Variants in NUP35 observed in about 807,000 individuals in gnomAD.
The protein encoded by NUP35 is nucleoporin NUP35.
Under a neutral mutation model 41.5 loss-of-function variants are expected in NUP35, and 25 were observed. The observed-to-expected ratio is 0.60, with a 90% CI of 0.44 to 0.84. The LOEUF is 0.84. Among genes scored for constraint, NUP35 ranks in the 40% least tolerant of loss-of-function variants. NUP35 has a pLI of 0.00. For missense variants in NUP35, 396 were observed against 396.6 expected (o/e 1.00, Z 0.01); for synonymous variants, 149 against 130.7 (o/e 1.14, Z -0.96).
chr2:183,132,747 G>A (rs938449270), intron 3 of NUP35, among the ~76,000 whole-genome samples: 4 of 152,220 alleles, frequency 2.6e-5, no homozygotes, highest in Non-Finnish European at 5.9e-5. Context: ...TTGAAAGTTG[G>A]TAAGAATATT....
upstream of NUP35, among the ~76,000 whole-genome samples, chr2:183,122,284 G>C (rs1474444878): frequency 1.3e-5 from 2 of 151,704 alleles, no homozygotes; most frequent in East Asian, 3.9e-4. Context: ...CACCATGTTG[G>C]CCAGGCTGGT....
rs571989835 is a variant in NUP35, at chr2:183,161,199, A to G, written c.*68A>G. The G allele has an allele frequency of 5.2e-6, 6 of 1,160,782 alleles. No individual in the cohort carries two copies. The East Asian group carries it at 1.4e-4, about 28-fold the overall frequency. 71.9% of individuals were successfully genotyped at this position (1,160,782 alleles called of 1,614,324 possible). ...CAGAGTGCTGCTGGTTCCTTCGGTT[A>G]GTTATATAACTGTTCCTGCAGTATT... On this transcript the variant is annotated 3_prime_UTR_variant, in exon 9 of 9. Transcript: ENST00000295119.
At chr2:183,130,595 G>T in intron 3 of NUP35, 50 bp downstream of exon 3, 1 of 1,581,592 alleles carries the variant, frequency 6.3e-7, no homozygotes, top group Non-Finnish European at 8.6e-7. Context: ...ATGGTTTTAT[G>T]TGTCTGTTCA....
chr2:183,129,473 A>G (rs1013408946), intron 2 of NUP35, among the ~76,000 whole-genome samples: 10 of 152,174 alleles, frequency 6.6e-5, no homozygotes, highest in Admixed American at 6.5e-5. Context: ...ATGGTTTATT[A>G]TTTAGGATTT....
Position 183,161,245 on chromosome 2 carries a change from T to C in NUP35, c.*114T>C, listed in dbSNP as rs1316284667. The C allele has an allele frequency of 3.1e-6, 2 of 636,158 alleles. No homozygotes were observed. The highest frequency in any genetic ancestry group is 2.8e-5 in the East Asian group (1 of 35,396). 39.4% of individuals were successfully genotyped at this position (636,158 alleles called of 1,614,324 possible). On this transcript the variant is annotated 3_prime_UTR_variant, in exon 9 of 9. Transcript: ENST00000295119. ...GTATTGGATAGCTATCTCATACTTC[T>C]TTTAGAAAGAAGCCTTTTTCATTAA...
chr2:183,126,585 G>C (rs1684497084), intron 1 of NUP35, among the ~76,000 whole-genome samples: 2 of 151,338 alleles, frequency 1.3e-5, no homozygotes, highest in African/African-American at 2.4e-5. Flanking sequence ...TAATTACAAT[G>C]TAATTAGAGT....
chr2:183,122,342 C>A (rs960266115), upstream of NUP35, among the ~76,000 whole-genome samples: 3 of 152,154 alleles, frequency 2.0e-5, no homozygotes, highest in Non-Finnish European at 4.4e-5. Flanking sequence ...TCCCAAAGTG[C>A]TGGGATTACA....
intron 8 of NUP35, 43 bp downstream of exon 8, chr2:183,159,695 G>A: frequency 6.8e-7 from 1 of 1,461,052 alleles, no homozygotes. Context: ...TTTAATGGCT[G>A]AGTGCATAGC....
At chr2:183,154,905 G>A (rs1255732428) in intron 5 of NUP35, among the ~76,000 whole-genome samples, 1 of 152,186 alleles carries the variant, frequency 6.6e-6, no homozygotes, top group Admixed American at 6.5e-5. Context: ...GGCTGGGGAG[G>A]CCTCAGAATC....
chr2:183,152,678 A>G (rs1376381496), intron 5 of NUP35, among the ~76,000 whole-genome samples: 2 of 152,204 alleles, frequency 1.3e-5, no homozygotes, highest in African/African-American at 2.4e-5. Context: ...ATGTATATAT[A>G]TCTATCACAG....
upstream of NUP35, chr2:183,124,355 A>G (rs1205993550): frequency 6.3e-7 from 1 of 1,599,538 alleles, no homozygotes; most frequent in African/African-American, 1.3e-5. Context: ...TCCGGAAGTT[A>G]CGCAACCCCA....
At chr2:183,122,366 A>G (rs920688733), upstream of NUP35, among the ~76,000 whole-genome samples, 2 of 152,180 alleles carry the variant, frequency 1.3e-5, no homozygotes, top group African/African-American at 4.8e-5. Context: ...ATGAGCCACC[A>G]TGCCCGGCTG....
At position 183,152,849 on chromosome 2, in the gene NUP35, ACT is replaced by A; in HGVS notation, c.539+1203_539+1204del. 5.3e-5 allele frequency among the ~76,000 whole-genome samples: 8 copies of A among 151,634 alleles called. 1 individual carries two copies. Among genetic ancestry groups the A allele is most frequent in the Admixed American group, 5.3e-4 (8 of 15,198 alleles). On this transcript the variant is annotated intron_variant, in intron 5 of 8. Coordinates refer to ENST00000295119, the MANE Select transcript of NUP35 (RefSeq NM_138285.5). Reference sequence around the variant, plus strand: ...TTTTGATATTCAAGCTGATATTTACACTCTACAAAAATATAAAGTTTGTTTCT... The same window carrying A: ...TTTTGATATTCAAGCTGATATTTACACTACAAAAATATAAAGTTTGTTTCT...
At chr2:183,122,642 T>C (rs1700086070), upstream of NUP35, among the ~76,000 whole-genome samples, 1 of 152,158 alleles carries the variant, frequency 6.6e-6, no homozygotes, top group African/African-American at 2.4e-5. Context: ...AGAAATTTCT[T>C]TTTTATTTTG....
intron 4 of NUP35, among the ~76,000 whole-genome samples, chr2:183,147,587 G>A (rs973436428): frequency 6.6e-6 from 1 of 152,108 alleles, no homozygotes; most frequent in African/African-American, 2.4e-5. Context: ...GGTTACTGTA[G>A]TCCCATAGTT....
At chr2:183,129,375 T>A (rs1684617725) in intron 2 of NUP35, among the ~76,000 whole-genome samples, 1 of 152,230 alleles carries the variant, frequency 6.6e-6, no homozygotes, top group Admixed American at 6.5e-5. Context: ...AAGTGTTGAA[T>A]TCTAATTGTG....
chr2:183,130,567 T>G, intron 3 of NUP35, 22 bp downstream of exon 3: 1 of 1,608,674 alleles, frequency 6.2e-7, no homozygotes, highest in Middle Eastern at 1.7e-4. Context: ...ACCCTTTTGA[T>G]CCCCAATGAA....
chr2:183,151,895 A>T (rs1001217707), intron 5 of NUP35, among the ~76,000 whole-genome samples: 1 of 152,168 alleles, frequency 6.6e-6, no homozygotes, highest in Non-Finnish European at 1.5e-5. Flanking sequence ...ACACTTGAGC[A>T]TGCATGTCAT....
intron 4 of NUP35, among the ~76,000 whole-genome samples, chr2:183,138,261 A>T (rs1447433541): frequency 7.7e-5 from 4 of 52,012 alleles, no homozygotes; most frequent in African/African-American, 1.9e-4. Context: ...ATATATATAT[A>T]TATATATATT....
Sources: gnomAD v4.1 joint callset for allele counts (sites outside exome capture counted in the v4.1 genomes callset) on GRCh38, gnomAD v4.1.1 for gene constraint, MANE v1.5 for transcripts, NCBI Gene and HGNC (gene_info 2026-07-23, HGNC 2026-07-21) for gene names.